Variants in A4GALT observed in about 807,000 individuals in gnomAD.
The protein encoded by A4GALT is alpha 1,4-galactosyltransferase (P1PK blood group), also known as lactosylceramide 4-alpha-galactosyltransferase.
For missense variants in A4GALT, 512 were observed against 486.0 expected (o/e 1.05, Z -0.50); for synonymous variants, 257 against 220.7 (o/e 1.16, Z -1.46).
intron 1 of A4GALT, among the ~76,000 whole-genome samples, chr22:42,709,170 C>A (rs1052805009): frequency 5.3e-5 from 8 of 150,802 alleles, no homozygotes; most frequent in African/African-American, 1.9e-4. Context: ...CATGATCCTC[C>A]CACCTCAGCC....
chr22:42,707,340 G>T (rs1017572611), intron 1 of A4GALT, among the ~76,000 whole-genome samples: 4 of 151,932 alleles, frequency 2.6e-5, no homozygotes, highest in Admixed American at 1.3e-4. Flanking sequence ...TTTATCTATG[G>T]GATTCCTAGC....
chr22:42,707,516 G>T (rs1921257011), intron 1 of A4GALT, among the ~76,000 whole-genome samples: 1 of 152,046 alleles, frequency 6.6e-6, no homozygotes, highest in South Asian at 2.1e-4. Context: ...AATTAGCCAG[G>T]CATGGTGGCA....
chr22:42,696,361 A>C (rs995248062), intron 1 of A4GALT, among the ~76,000 whole-genome samples: 1 of 151,158 alleles, frequency 6.6e-6, no homozygotes, highest in African/African-American at 2.4e-5. Context: ...CGGAGGTTGC[A>C]GTGCGCCGAG....
intron 1 of A4GALT, among the ~76,000 whole-genome samples, chr22:42,696,121 C>CAAAAAAAAAAAAAAAAAAAAAAA (rs1296048741): frequency 1.9e-5 from 1 of 53,910 alleles, no homozygotes; most frequent in African/African-American, 8.9e-5. Context: ...GACTCTATCT[C>CAAAAAAAAAAAAAAAAAAAAAAA]AAAAAAAAAA....
intron 1 of A4GALT, among the ~76,000 whole-genome samples, chr22:42,718,083 G>C (rs763650112): frequency 3.3e-5 from 5 of 152,110 alleles, no homozygotes; most frequent in Non-Finnish European, 5.9e-5. Flanking sequence ...TTATCAAAAA[G>C]AGCCAAATAT....
chr22:42,715,469 C>G (rs1424072415), intron 1 of A4GALT, among the ~76,000 whole-genome samples: 2 of 152,104 alleles, frequency 1.3e-5, no homozygotes, highest in Admixed American at 6.5e-5. Context: ...TGCCTGTAAT[C>G]CCAGCACTTT....
chr22:42,712,457 T>G (rs1168446882), intron 1 of A4GALT, among the ~76,000 whole-genome samples: 1 of 152,226 alleles, frequency 6.6e-6, no homozygotes, highest in Admixed American at 6.5e-5. Context: ...CAGGGAAAGC[T>G]CTTCACAGGG....
chr22:42,693,127 G>T lies in A4GALT; in HGVS notation c.825C>A (p.Gly275=). Residue 275 remains glycine (G), a synonymous_variant, in exon 3 of 3, where the codon GGC becomes GGA. Transcript: ENST00000642412. ...AGGCCTCAGGGGGCAGGGTGGTGAC[G>T]CCGCGGCAGGCGCGGCTCTCGGCCA... ...RSLAESRACR[G]VTTLPPEAFY... The T allele has an allele frequency of 6.2e-7, 1 of 1,607,350 alleles. No homozygotes were observed. The highest frequency in any genetic ancestry group is 1.7e-5 in the Admixed American group (1 of 58,566).
intron 1 of A4GALT, among the ~76,000 whole-genome samples, chr22:42,701,596 C>T (rs906448473): frequency 3.3e-5 from 5 of 152,188 alleles, no homozygotes; most frequent in African/African-American, 1.2e-4. Flanking sequence ...CTACCCTGCA[C>T]CCATTCATCC....
Position 42,696,121 on chromosome 22 carries a change from C to CAAAAAAAAAAAA in A4GALT, c.-187-502_-187-491dup, listed in dbSNP as rs1296048741. On this transcript the variant is annotated intron_variant, in intron 1 of 2. Transcript: ENST00000642412. ...TGGGTGACAGAGCCAGACTCTATCT[C>CAAAAAAAAAAAA]AAAAAAAAAAAAAAAAAAGCCAGGC... 8.2e-4 allele frequency among the ~76,000 whole-genome samples: 44 copies of CAAAAAAAAAAAA among 53,896 alleles called. 9 individuals carry two copies. The highest frequency in any genetic ancestry group is 7.4e-3 in the East Asian group (8 of 1,084). 35.4% of individuals were successfully genotyped at this position (53,896 alleles called of 152,430 possible).
intron 1 of A4GALT, among the ~76,000 whole-genome samples, chr22:42,697,087 G>C (rs961846892): frequency 2.6e-5 from 4 of 152,038 alleles, no homozygotes; most frequent in African/African-American, 9.7e-5. Context: ...GGTATGTTTT[G>C]TGTTTTGTTC....
chr22:42,694,822 C>T (rs1315365549), intron 2 of A4GALT: 1 of 152,166 alleles, frequency 6.6e-6, no homozygotes, highest in Middle Eastern at 3.2e-3. Context: ...GGGTAACATT[C>T]ATTCATTCAT....
At chr22:42,701,319 G>A (rs1312962235) in intron 1 of A4GALT, among the ~76,000 whole-genome samples, 1 of 152,208 alleles carries the variant, frequency 6.6e-6, no homozygotes, top group Non-Finnish European at 1.5e-5. Flanking sequence ...GACACAGGTT[G>A]CTGTGGGGAT....
Position 42,693,887 on chromosome 22 carries a change from G to A in A4GALT, c.65C>T (p.Thr22Ile), listed in dbSNP as rs1402457536. ...GAACTTGAAGCCGATGATGAACAGG[G>A]TGCAGACCCGCTGCCTTGGGGCGCC... Reference protein sequence around the residue: ...LRGAPRQRVCTLFIIGFKFTF... With the variant: ...LRGAPRQRVCILFIIGFKFTF... The change falls in exon 3 of 3, where the codon ACC becomes ATC. Residue 22 changes from threonine to isoleucine, a missense_variant. Physicochemically the swap from Thr to Ile is moderately conservative, Grantham distance 89. Transcript: ENST00000642412. 2.5e-6 allele frequency: 4 copies of A among 1,610,004 alleles called. No homozygotes were observed. The highest frequency in any genetic ancestry group is 2.2e-5 in the South Asian group (2 of 90,324).
At chr22:42,714,306 A>AAAAAAAAC (rs1569067753) in intron 1 of A4GALT, among the ~76,000 whole-genome samples, 2 of 145,544 alleles carry the variant, frequency 1.4e-5, no homozygotes, top group African/African-American at 5.3e-5. Flanking sequence ...AAAAAAAAAA[A>AAAAAAAAC]GGCAGGAATG....
chr22:42,702,117 CTCTCTCTCCTT>C lies in A4GALT; in HGVS notation c.-187-6497_-187-6487del, dbSNP rs908313552. Among the ~76,000 whole-genome samples, 32 of 152,092 alleles carry C rather than the reference CTCTCTCTCCTT, an allele frequency of 2.1e-4. No individual in the cohort carries two copies. The Middle Eastern group carries it at 0.014, about 65-fold the overall frequency. On this transcript the variant is annotated intron_variant, in intron 1 of 2. Transcript: ENST00000642412. Reference sequence around the variant, plus strand: ...GGTTGGTGTCTCTCTCTCTCTTTCTCTCTCTCTCCTTTCTCTCTCCTCATCCCCCTCAGCAG... The same window carrying C: ...GGTTGGTGTCTCTCTCTCTCTTTCTCTCTCTCTCCTCATCCCCCTCAGCAG...
intron 1 of A4GALT, among the ~76,000 whole-genome samples, chr22:42,701,472 C>T (rs1467166994): frequency 1.3e-5 from 2 of 152,188 alleles, no homozygotes; most frequent in African/African-American, 4.8e-5. Flanking sequence ...TGGCTTTGAA[C>T]ATCACTAACA....
chr22:42,701,624 G>C (rs1931307208), intron 1 of A4GALT, among the ~76,000 whole-genome samples: 1 of 152,214 alleles, frequency 6.6e-6, no homozygotes, highest in South Asian at 2.1e-4. Context: ...AACACCTGCT[G>C]TCCTGTGGGG....
chr22:42,712,769 C>T lies in A4GALT; in HGVS notation c.-188+8028G>A, dbSNP rs915760689. Among the ~76,000 whole-genome samples, 13 of 152,232 alleles carry T rather than the reference C, an allele frequency of 8.5e-5. No homozygotes were observed. The South Asian group carries it at 1.7e-3, about 19-fold the overall frequency. ...ACTAAAAATACAAAAATTGGCTGGG[C>T]GTGGTGGCGGAAGCCTGTAATCCCA... On this transcript the variant is annotated intron_variant, in intron 1 of 2. Coordinates refer to ENST00000642412, the MANE Select transcript of A4GALT (RefSeq NM_017436.7).
Sources: gnomAD v4.1 joint callset for allele counts (sites outside exome capture counted in the v4.1 genomes callset) on GRCh38, gnomAD v4.1.1 for gene constraint, MANE v1.5 for transcripts, NCBI Gene and HGNC (gene_info 2026-07-23, HGNC 2026-07-21) for gene names.